The following LARP1B variants were observed in gnomAD, a reference collection of about 807,000 sequenced individuals.
The protein encoded by LARP1B is La ribonucleoprotein 1B.
A neutral mutation model predicts 114.2 loss-of-function variants in LARP1B; 76 were observed. The ratio of observed to expected loss-of-function variants is 0.67; its 90% CI spans 0.55 to 0.81. LARP1B has a LOEUF of 0.81. LARP1B is among the 30% of genes least tolerant of loss of function. LARP1B has a pLI of 0.00. For synonymous variants in LARP1B, 345 were observed against 348.0 expected (o/e 0.99, Z 0.10); for missense variants, 1,014 against 1,075.8 (o/e 0.94, Z 0.80).
At chr4:128,164,850 A>G (rs527332447) in intron 12 of LARP1B, among the ~76,000 whole-genome samples, 16 of 152,256 alleles carry the variant, frequency 1.1e-4, no homozygotes, top group African/African-American at 3.9e-4. Flanking sequence ...GAAAACTAAA[A>G]AATGCCCAGT....
chr4:128,090,006 C>G (rs780923956), intron 5 of LARP1B, among the ~76,000 whole-genome samples: 2 of 151,254 alleles, frequency 1.3e-5, no homozygotes, highest in Non-Finnish European at 2.9e-5. Context: ...CTCCTGAGTT[C>G]AAGCAATTTG....
chr4:128,144,180 AC>A (rs990695664), intron 11 of LARP1B, among the ~76,000 whole-genome samples: 1 of 152,200 alleles, frequency 6.6e-6, no homozygotes, highest in African/African-American at 2.4e-5. Flanking sequence ...CCAGTTGAGA[AC>A]CACAGAAGTC....
intron 10 of LARP1B, among the ~76,000 whole-genome samples, chr4:128,115,085 G>A (rs1173358092): frequency 1.3e-5 from 2 of 151,982 alleles, no homozygotes; most frequent in Admixed American, 6.6e-5. Flanking sequence ...TTATAGGCGC[G>A]AGCCACCATG....
At chr4:128,132,419 A>AT (rs1791858817) in intron 11 of LARP1B, among the ~76,000 whole-genome samples, 1 of 151,642 alleles carries the variant, frequency 6.6e-6, no homozygotes, top group Non-Finnish European at 1.5e-5. Context: ...TAATTTTTGT[A>AT]TTTTTTGGTA....
At chr4:128,084,780 C>T (rs1425754051) in intron 5 of LARP1B, among the ~76,000 whole-genome samples, 1 of 152,118 alleles carries the variant, frequency 6.6e-6, no homozygotes, top group African/African-American at 2.4e-5. Flanking sequence ...AGTTTGATTA[C>T]AACATTGATT....
intron 17 of LARP1B, among the ~76,000 whole-genome samples, chr4:128,201,582 T>C (rs1419151924): frequency 6.6e-6 from 1 of 152,256 alleles, no homozygotes; most frequent in African/African-American, 2.4e-5. Context: ...TGAACCAAGC[T>C]CTCTAGCCTC....
At chr4:128,092,937 G>A in intron 7 of LARP1B, 3 of 985,410 alleles carry the variant, frequency 3.0e-6, no homozygotes, top group Non-Finnish European at 3.6e-6. Flanking sequence ...AGGATAATCG[G>A]CCTCCAGTGT....
chr4:128,071,797 T>C (rs1765481142), intron 1 of LARP1B, among the ~76,000 whole-genome samples: 1 of 150,326 alleles, frequency 6.7e-6, no homozygotes, highest in Admixed American at 6.6e-5. Context: ...AATATTGATA[T>C]CATCAGTGCA....
chr4:128,069,283 G>T, intron 1 of LARP1B: 1 of 922,916 alleles, frequency 1.1e-6, no homozygotes, highest in African/African-American at 1.6e-5. Context: ...TGAGAATTCA[G>T]GACTTTTAGA....
At position 128,206,461 on chromosome 4, in the gene LARP1B, T is replaced by C. The variant is rs1244347662; in HGVS notation, c.2343T>C (p.Ser781=). 6.2e-7 allele frequency: 1 copy of C among 1,612,698 alleles called. No individual in the cohort carries two copies. The highest frequency in any genetic ancestry group is 1.3e-5 in the African/African-American group (1 of 74,872). ...TAGAATGTCTGTTCAGGTTTTATAG[T>C]TATGGACTGGAAAAAAAATTCAGGC... The part of the protein sequence containing the change: ...YGLECLFRFY[S]YGLEKKFRRE... The change falls in exon 18 of 20, where the codon AGT becomes AGC. Residue 781 remains serine, a synonymous_variant. Transcript: ENST00000326639.
chr4:128,088,009 A>G (rs984097460), intron 5 of LARP1B, among the ~76,000 whole-genome samples: 1 of 152,004 alleles, frequency 6.6e-6, no homozygotes, highest in Non-Finnish European at 1.5e-5. Flanking sequence ...AATATATAAG[A>G]AAATAGACAA....
At chr4:128,106,778 C>T (rs1328499175) in intron 8 of LARP1B, among the ~76,000 whole-genome samples, 3 of 151,844 alleles carry the variant, frequency 2.0e-5, no homozygotes, top group Non-Finnish European at 4.4e-5. Flanking sequence ...GTAATTATTA[C>T]AATAATAAAA....
intron 11 of LARP1B, chr4:128,155,940 C>T (rs879440829): frequency 2.8e-5 from 43 of 1,522,206 alleles, no homozygotes; most frequent in African/African-American, 2.2e-4. Context: ...GGTACACAGG[C>T]GGTACCAGCG....
At chr4:128,090,377 A>G (rs1775465461) in intron 5 of LARP1B, among the ~76,000 whole-genome samples, 1 of 152,084 alleles carries the variant, frequency 6.6e-6, no homozygotes, top group African/African-American at 2.4e-5. Flanking sequence ...CCGGCCTTGT[A>G]TGATTATTGA....
Position 128,178,569 on chromosome 4 carries a change from C to T in LARP1B, c.1823C>T (p.Pro608Leu). ...PTRTPKTPRTPRLQDPNKTPR... is the reference protein window; with the variant it reads ...PTRTPKTPRTLRLQDPNKTPR... The stretch of plus-strand genomic sequence containing the variant: ...AGAACACCCAAAACACCTCGAACAC[C>T]TAGGTTACAAGATCCTAACAAAACA... The change falls in exon 14 of 20, where the codon CCT (proline) becomes CTT (leucine). Residue 608 changes from proline to leucine, a missense_variant. Transcript: ENST00000326639. The T allele has an allele frequency of 2.5e-6, 4 of 1,614,042 alleles. No homozygotes were observed. The highest frequency in any genetic ancestry group is 3.4e-6 in the Non-Finnish European group (4 of 1,179,992).
chr4:128,177,881 A>C lies in LARP1B; in HGVS notation c.1685-550A>C, dbSNP rs143778001. Among the ~76,000 whole-genome samples, 1,144 of 152,244 alleles carry C rather than the reference A, an allele frequency of 7.5e-3. 10 individuals are homozygous for C. Among genetic ancestry groups the C allele is most frequent in the Non-Finnish European group, 9.2e-3 (625 of 67,998 alleles). On this transcript the variant is annotated intron_variant, in intron 13 of 19. Transcript: ENST00000326639. ...CATGTTCAGCAATGTTGATCACAGC[A>C]TTGTTGATTAAACAAAAAACTTTGA...
chr4:128,130,954 C>G (rs1791373651), intron 11 of LARP1B, among the ~76,000 whole-genome samples: 1 of 152,152 alleles, frequency 6.6e-6, no homozygotes, highest in African/African-American at 2.4e-5. Flanking sequence ...TGTATGATTC[C>G]AACTACGTGG....
intron 12 of LARP1B, among the ~76,000 whole-genome samples, chr4:128,173,543 G>A (rs926057483): frequency 6.6e-6 from 1 of 152,198 alleles, no homozygotes; most frequent in Non-Finnish European, 1.5e-5. Context: ...GTATGAAGCT[G>A]TGCAATGATC....
chr4:128,205,525 A>T (rs1280964295), intron 17 of LARP1B, among the ~76,000 whole-genome samples: 1 of 152,170 alleles, frequency 6.6e-6, no homozygotes, highest in Non-Finnish European at 1.5e-5. Context: ...GAAACAAGGA[A>T]ATTTGTTTTC....
Sources: gnomAD v4.1 joint callset for allele counts (sites outside exome capture counted in the v4.1 genomes callset) on GRCh38, gnomAD v4.1.1 for gene constraint, MANE v1.5 for transcripts, NCBI Gene and HGNC (gene_info 2026-07-23, HGNC 2026-07-21) for gene names.